Variants in ARHGAP44 observed in about 807,000 individuals in gnomAD.
ARHGAP44 encodes rho GTPase-activating protein 44.
ARHGAP44 carries 43 observed loss-of-function variants against 106.8 expected under a neutral mutation model. The observed-to-expected ratio is 0.40, with a 90% CI of 0.32 to 0.52. The LOEUF is 0.52. Among genes scored for constraint, ARHGAP44 ranks in the 20% least tolerant of loss-of-function variants. The probability of loss-of-function intolerance (pLI) is 0.48; values close to 1 mark genes in which losing one functional copy is unlikely to be tolerated. For synonymous variants in ARHGAP44, 439 were observed against 410.3 expected (o/e 1.07, Z -0.85); for missense variants, 866 against 1,050.5 (o/e 0.82, Z 2.43).
intron 3 of ARHGAP44, among the ~76,000 whole-genome samples, chr17:12,903,126 G>GAGAGGA (rs57334058): frequency 2.3e-4 from 16 of 70,732 alleles, no homozygotes; most frequent in South Asian, 6.7e-4. Flanking sequence ...GAGAGAGAGA[G>GAGAGGA]GAGAGAGAGA....
At chr17:12,923,248 T>C (rs2038137444) in intron 6 of ARHGAP44, among the ~76,000 whole-genome samples, 1 of 152,018 alleles carries the variant, frequency 6.6e-6, no homozygotes, top group South Asian at 2.1e-4. Context: ...TTTGCTCTTG[T>C]TGCCCAGGCT....
At chr17:12,842,987 A>G (rs1313786221) in intron 1 of ARHGAP44, among the ~76,000 whole-genome samples, 1 of 152,096 alleles carries the variant, frequency 6.6e-6, no homozygotes, top group Non-Finnish European at 1.5e-5. Context: ...TGAAGCGGCC[A>G]TCCTTATATG....
chr17:12,906,623 T>C (rs2037557970), intron 3 of ARHGAP44, among the ~76,000 whole-genome samples: 1 of 152,216 alleles, frequency 6.6e-6, no homozygotes, highest in South Asian at 2.1e-4. Flanking sequence ...ATGTTTATTA[T>C]TTATCTTCAC....
At chr17:12,875,320 TG>T (rs2036520675) in intron 1 of ARHGAP44, among the ~76,000 whole-genome samples, 1 of 152,160 alleles carries the variant, frequency 6.6e-6, no homozygotes, top group African/African-American at 2.4e-5. Flanking sequence ...GGTCTGGGCG[TG>T]GTGGCTCATG....
chr17:12,990,118 T>G lies in ARHGAP44; in HGVS notation c.2404T>G (p.Ser802Ala), dbSNP rs1435961790. 6.2e-6 allele frequency: 10 copies of G among 1,613,254 alleles called. No individual in the cohort carries two copies. The highest frequency in any genetic ancestry group is 3.3e-5 in the Admixed American group (2 of 59,988). Residue 802 changes from serine (S) to alanine (A), a missense_variant, in exon 21 of 21, where the codon TCA becomes GCA. Physicochemically the swap from Ser to Ala is moderately conservative, Grantham distance 99. Coordinates refer to ENST00000379672, the MANE Select transcript of ARHGAP44 (RefSeq NM_014859.6). ...LSPLEHMRRHSVTDKRDSEEE... is the reference protein window; with the variant it reads ...LSPLEHMRRHAVTDKRDSEEE... ...TCCCCTGGAGCACATGCGGCGACAC[T>G]CAGTAACTGACAAGAGGGACTCGGA...
At chr17:12,877,179 G>A (rs1403458983) in intron 1 of ARHGAP44, among the ~76,000 whole-genome samples, 1 of 152,180 alleles carries the variant, frequency 6.6e-6, no homozygotes, top group Non-Finnish European at 1.5e-5. Flanking sequence ...AAATTTTGCA[G>A]TTAAGATTTA....
Position 12,846,886 on chromosome 17 carries a change from TTAAA to T in ARHGAP44, c.54-48050_54-48047del, listed in dbSNP as rs751973539. 2.9e-4 allele frequency among the ~76,000 whole-genome samples: 44 copies of T among 152,352 alleles called. No individual in the cohort carries two copies. In the South Asian group the frequency reaches 4.4e-3, roughly 15 times the overall value. On this transcript the variant is annotated intron_variant, in intron 1 of 20. Transcript: ENST00000379672. ...TATTGACTTATGCTGCAAAATAGTTTTAAATAATCTCTTATACAGAGGAAAACTT... is the reference window on the plus strand; with the variant it reads ...TATTGACTTATGCTGCAAAATAGTTTTAATCTCTTATACAGAGGAAAACTT...
chr17:12,948,849 T>C (rs1263280092), intron 10 of ARHGAP44, among the ~76,000 whole-genome samples: 2 of 152,038 alleles, frequency 1.3e-5, no homozygotes, highest in Non-Finnish European at 2.9e-5. Context: ...ACAAGATGTC[T>C]AAGTGCCCAA....
At chr17:12,911,478 A>G (rs952034616) in intron 4 of ARHGAP44, among the ~76,000 whole-genome samples, 6 of 152,314 alleles carry the variant, frequency 3.9e-5, no homozygotes, top group Admixed American at 2.0e-4. Context: ...TAGATATGCA[A>G]AGATCCCATG....
chr17:12,888,265 A>T (rs1027108969), intron 1 of ARHGAP44, among the ~76,000 whole-genome samples: 18 of 152,000 alleles, frequency 1.2e-4, no homozygotes, highest in Admixed American at 3.9e-4. Context: ...TCCCAGCACA[A>T]CTTTGGTTGT....
At chr17:12,896,602 T>A (rs1484092944) in intron 3 of ARHGAP44, 91 bp downstream of exon 3, 2 of 1,120,176 alleles carry the variant, frequency 1.8e-6, no homozygotes, top group Non-Finnish European at 2.6e-6. Context: ...TAGCTGTTTA[T>A]GTAGCTGCTT....
chr17:12,935,459 A>T (rs2038519252), intron 7 of ARHGAP44, among the ~76,000 whole-genome samples: 1 of 152,020 alleles, frequency 6.6e-6, no homozygotes, highest in African/African-American at 2.4e-5. Flanking sequence ...AATTCCAGCT[A>T]CTTGGGAAGC....
At chr17:12,829,327 T>G (rs78354608) in intron 1 of ARHGAP44, among the ~76,000 whole-genome samples, 4,148 of 152,126 alleles carry the variant, frequency 0.027, 171 homozygotes, top group African/African-American at 0.092. Flanking sequence ...ACCTTACCAT[T>G]TAAGGCCAGG....
At chr17:12,903,882 G>A (rs900661705) in intron 3 of ARHGAP44, among the ~76,000 whole-genome samples, 1 of 152,108 alleles carries the variant, frequency 6.6e-6, no homozygotes, top group Non-Finnish European at 1.5e-5. Context: ...TTAGTTAGAG[G>A]CAATCTTAGG....
At chr17:12,952,678 A>T in intron 13 of ARHGAP44, 97 bp downstream of exon 13, 2 of 763,000 alleles carry the variant, frequency 2.6e-6, no homozygotes, top group Non-Finnish European at 4.3e-6. Flanking sequence ...ACTACCATGC[A>T]TAGCATTTTA....
chr17:12,871,412 T>C (rs2036403677), intron 1 of ARHGAP44, among the ~76,000 whole-genome samples: 1 of 152,150 alleles, frequency 6.6e-6, no homozygotes, highest in Admixed American at 6.5e-5. Context: ...TTTAATTGGC[T>C]CATGGTTCCA....
chr17:12,980,706 T>A (rs1460651418), intron 19 of ARHGAP44, among the ~76,000 whole-genome samples: 2 of 152,164 alleles, frequency 1.3e-5, no homozygotes, highest in Non-Finnish European at 2.9e-5. Context: ...GGCCCAAGAA[T>A]GGCCACACTG....
intron 6 of ARHGAP44, among the ~76,000 whole-genome samples, chr17:12,922,906 A>G (rs183872384): frequency 1.3e-5 from 2 of 152,194 alleles, no homozygotes; most frequent in African/African-American, 4.8e-5. Flanking sequence ...GCAAACGTAC[A>G]TGCCACTTGG....
At chr17:12,989,766 G>A (rs143604053) in intron 20 of ARHGAP44, among the ~76,000 whole-genome samples, 1 of 152,304 alleles carries the variant, frequency 6.6e-6, no homozygotes, top group African/African-American at 2.4e-5. Flanking sequence ...CTGTGGCTTG[G>A]CAGGGGAGTG....
Sources: allele counts gnomAD v4.1 joint callset (sites outside exome capture counted in the v4.1 genomes callset), GRCh38; gene constraint gnomAD v4.1.1; transcripts MANE v1.5; gene names NCBI Gene and HGNC (gene_info 2026-07-23, HGNC 2026-07-21).